EXOC6: variants seen among roughly 807,000 people sequenced by gnomAD.
EXOC6 encodes the protein exocyst complex component 6, also known as SEC15-like 1.
Under a neutral mutation model 112.5 loss-of-function variants are expected in EXOC6, and 60 were observed. That is an observed-to-expected ratio of 0.53 (90% confidence interval 0.43 to 0.66). The LOEUF (loss-of-function observed/expected upper bound fraction) is 0.66. Ranked by LOEUF, EXOC6 falls within the 30% of genes least tolerant of loss-of-function variation. The pLI is 0.00. For missense variants in EXOC6, 855 were observed against 957.1 expected (o/e 0.89, Z 1.41); for synonymous variants, 295 against 308.0 (o/e 0.96, Z 0.44).
At chr10:93,022,780 G>A (rs1490112414) in intron 20 of EXOC6, among the ~76,000 whole-genome samples, 1 of 150,614 alleles carries the variant, frequency 6.6e-6, no homozygotes, top group Non-Finnish European at 1.5e-5. Flanking sequence ...CTCACATGAG[G>A]TGATAAAAGT....
intron 17 of EXOC6, 99 bp downstream of exon 17, chr10:92,955,813 C>T: frequency 9.0e-7 from 1 of 1,109,520 alleles, no homozygotes; most frequent in Middle Eastern, 2.5e-4. Context: ...TACTATATTC[C>T]TAAAAATTAA....
At chr10:92,874,095 G>C (rs1848579772) in intron 1 of EXOC6, among the ~76,000 whole-genome samples, 1 of 151,570 alleles carries the variant, frequency 6.6e-6, no homozygotes, top group African/African-American at 2.4e-5. Context: ...AAGAAATTTG[G>C]ATTCTATGTA....
chr10:93,037,019 T>C (rs1425005530), intron 20 of EXOC6, among the ~76,000 whole-genome samples: 1 of 152,234 alleles, frequency 6.6e-6, no homozygotes, highest in Non-Finnish European at 1.5e-5. Context: ...ATTCTGGCCT[T>C]TGATAAATAT....
At chr10:92,977,676 G>GACACACACAC (rs10636165) in intron 18 of EXOC6, among the ~76,000 whole-genome samples, 2 of 150,606 alleles carry the variant, frequency 1.3e-5, no homozygotes, top group Admixed American at 6.6e-5. Context: ...CGTGCTTGCA[G>GACACACACAC]ACACACACAC....
Position 93,050,759 on chromosome 10 carries a change from C to CAAAAAAAAAAAAAAAAAAA in EXOC6, c.2170-6161_2170-6143dup, listed in dbSNP as rs58439083. Reference sequence around the variant, plus strand: ...TGGGCAACAAAGCGAGACTCCGTCTCAAAAAAAAAAAAAAAAAAAAAAGAA... The same window carrying CAAAAAAAAAAAAAAAAAAA: ...TGGGCAACAAAGCGAGACTCCGTCTCAAAAAAAAAAAAAAAAAAAAAAAAAAAAAAAAAAAAAAAAAGAA... On this transcript the variant is annotated intron_variant, in intron 20 of 21. Transcript: ENST00000260762. 1.8e-3 allele frequency among the ~76,000 whole-genome samples: 69 copies of CAAAAAAAAAAAAAAAAAAA among 37,304 alleles called. 22 individuals are homozygous for CAAAAAAAAAAAAAAAAAAA. The highest frequency in any genetic ancestry group is 4.1e-3 in the South Asian group (2 of 490). The allele number at this position is 37,304 out of a possible 152,430, so 24.5% of individuals were successfully genotyped here. A position where few individuals can be genotyped will look rare whatever the true frequency, so the allele number is the denominator to read the frequency against.
intron 4 of EXOC6, among the ~76,000 whole-genome samples, chr10:92,898,044 A>G (rs943262607): frequency 2.0e-5 from 3 of 152,112 alleles, no homozygotes; most frequent in Admixed American, 1.3e-4. Context: ...CACAGATCTT[A>G]TGGGAATAAA....
chr10:92,951,375 G>A (rs940740983), intron 14 of EXOC6, among the ~76,000 whole-genome samples: 2 of 152,140 alleles, frequency 1.3e-5, no homozygotes, highest in African/African-American at 4.8e-5. Context: ...AAAAGAAATA[G>A]AGTAGGTAGA....
chr10:92,987,246 A>G (rs1035409237), intron 18 of EXOC6, among the ~76,000 whole-genome samples: 4 of 152,202 alleles, frequency 2.6e-5, no homozygotes, highest in Non-Finnish European at 5.9e-5. Flanking sequence ...AATATTTGAG[A>G]ATCACTGCTC....
chr10:92,967,751 G>C (rs1432556163), intron 17 of EXOC6, among the ~76,000 whole-genome samples: 1 of 152,176 alleles, frequency 6.6e-6, no homozygotes, highest in Non-Finnish European at 1.5e-5. Context: ...GGAGCAATCA[G>C]ACTCTCAATT....
chr10:92,975,652 C>G (rs1435802289), intron 18 of EXOC6, among the ~76,000 whole-genome samples: 1 of 117,434 alleles, frequency 8.5e-6, no homozygotes, highest in African/African-American at 3.3e-5. Flanking sequence ...CCACCCCGTC[C>G]GGGAGGTGAG....
intron 20 of EXOC6, among the ~76,000 whole-genome samples, chr10:93,022,614 A>C (rs1844837393): frequency 6.6e-6 from 1 of 152,126 alleles, no homozygotes; most frequent in South Asian, 2.1e-4. Context: ...AGCAGCTTGG[A>C]CTTAATAAAT....
intron 1 of EXOC6, among the ~76,000 whole-genome samples, chr10:92,851,599 G>A (rs1009906797): frequency 7.3e-5 from 11 of 151,700 alleles, no homozygotes; most frequent in African/African-American, 2.2e-4. Flanking sequence ...GCAGTGAGCC[G>A]AGATTATGCC....
chr10:93,014,182 T>G lies in EXOC6; in HGVS notation c.2096-12T>G, dbSNP rs1307197989. ...TCTCATTTTTATTCTTTTTTTTTCT[T>G]TCTTTTAATAGTGTTTGCCAGCTCT... On this transcript the variant is annotated splice_polypyrimidine_tract_variant and intron_variant, in intron 19 of 21. Transcript: ENST00000260762. 1 of 1,603,968 alleles carries G rather than the reference T, an allele frequency of 6.2e-7. No homozygotes were observed. Among genetic ancestry groups the G allele is most frequent in the Non-Finnish European group, 8.5e-7 (1 of 1,174,534 alleles).
chr10:92,827,106 C>T (rs74854097), intron 1 of EXOC6, among the ~76,000 whole-genome samples: 2,164 of 152,158 alleles, frequency 0.014, 49 homozygotes, highest in African/African-American at 0.049. Context: ...CCTATGAATG[C>T]GCTCCATGTA....
At chr10:92,989,424 G>A (rs1476979298) in intron 18 of EXOC6, among the ~76,000 whole-genome samples, 1 of 152,166 alleles carries the variant, frequency 6.6e-6, no homozygotes, top group Non-Finnish European at 1.5e-5. Flanking sequence ...TACCAGTACT[G>A]ATTAGAAATA....
intron 1 of EXOC6, among the ~76,000 whole-genome samples, chr10:92,850,823 A>G (rs1407401643): frequency 6.6e-6 from 1 of 152,104 alleles, no homozygotes; most frequent in East Asian, 1.9e-4. Context: ...CATTTTATTT[A>G]TATTGTTTTT....
upstream of EXOC6, among the ~76,000 whole-genome samples, chr10:92,831,850 G>A (rs2497322): frequency 0.24 from 36,569 of 152,138 alleles, 5,320 homozygotes; most frequent in Non-Finnish European, 0.32. Context: ...AATATTAACA[G>A]TTGGTGAATC....
intron 20 of EXOC6, among the ~76,000 whole-genome samples, chr10:93,056,303 GTTGT>G (rs1313936828): frequency 6.6e-5 from 10 of 152,074 alleles, no homozygotes; most frequent in South Asian, 2.1e-4. Flanking sequence ...CTTTTTTGTT[GTTGT>G]TTGTTTATAC....
intron 17 of EXOC6, among the ~76,000 whole-genome samples, chr10:92,968,359 A>G (rs961296811): frequency 1.3e-5 from 2 of 151,758 alleles, no homozygotes; most frequent in African/African-American, 2.4e-5. Flanking sequence ...TAAACTTTTT[A>G]TTTTTTGGTA....
Sources: allele counts gnomAD v4.1 joint callset (sites outside exome capture counted in the v4.1 genomes callset), GRCh38; gene constraint gnomAD v4.1.1; transcripts MANE v1.5; gene names NCBI Gene and HGNC (gene_info 2026-07-23, HGNC 2026-07-21).